PCDHA5: variants seen among roughly 807,000 people sequenced by gnomAD.
PCDHA5 encodes the protein protocadherin alpha-5.
Under a neutral mutation model 61.6 loss-of-function variants are expected in PCDHA5, and 43 were observed. The ratio of observed to expected loss-of-function variants is 0.70; its 90% CI spans 0.55 to 0.90. The LOEUF is 0.90. Among genes scored for constraint, PCDHA5 ranks in the 40% least tolerant of loss-of-function variants. The probability of loss-of-function intolerance (pLI) is 0.00; values close to 1 mark genes in which losing one functional copy is unlikely to be tolerated. For synonymous variants in PCDHA5, 627 were observed against 543.9 expected, an observed-to-expected ratio of 1.15 and a Z score of -2.13; for missense variants, 1,298 against 1,222.7, an observed-to-expected ratio of 1.06 and a Z score of -0.92.
intron 2 of PCDHA5, among the ~76,000 whole-genome samples, chr5:140,979,920 C>T (rs1554241253): frequency 6.6e-6 from 1 of 152,206 alleles, no homozygotes; most frequent in Non-Finnish European, 1.5e-5. Flanking sequence ...AAGAGAAAGC[C>T]TACAAAGTAT....
chr5:140,980,522 A>G (rs1341350940), intron 2 of PCDHA5, among the ~76,000 whole-genome samples: 2 of 152,074 alleles, frequency 1.3e-5, no homozygotes, highest in Non-Finnish European at 2.9e-5. Flanking sequence ...TCCAGCTACT[A>G]GGGAGGCTGA....
chr5:140,871,419 C>A (rs1554165566), intron 1 of PCDHA5: 1 of 1,613,732 alleles, frequency 6.2e-7, no homozygotes. Flanking sequence ...TGGCCTTCAG[C>A]CCCAGTCTTC....
chr5:140,980,545 G>A lies in PCDHA5; in HGVS notation c.2411+1538G>A, dbSNP rs190037193. ...CTAGGGAGGCTGAGGCAGGAGAATC[G>A]CTTGAACCCGGGAGGCGGAAGTTGC... On this transcript the variant is annotated intron_variant, in intron 2 of 3. Transcript: ENST00000529859. 4.1e-3 allele frequency among the ~76,000 whole-genome samples: 627 copies of A among 152,232 alleles called. 4 individuals are homozygous for A. Among genetic ancestry groups the A allele is most frequent in the Non-Finnish European group, 6.8e-3 (460 of 67,996 alleles).
At chr5:140,868,764 T>G (rs1202050223) in intron 1 of PCDHA5, 2 of 238,724 alleles carry the variant, frequency 8.4e-6, no homozygotes, top group Non-Finnish European at 1.6e-5. Flanking sequence ...ATATATTTAG[T>G]TTCAATATGA....
At chr5:140,969,513 A>G (rs2096339726) in intron 1 of PCDHA5, 1 of 1,417,106 alleles carries the variant, frequency 7.1e-7, no homozygotes, top group Non-Finnish European at 9.4e-7. Context: ...ATAGCACTAA[A>G]GAATTGTTTT....
Position 140,876,851 on chromosome 5 carries a change from A to G in PCDHA5, c.2352+52724A>G, listed in dbSNP as rs1554169034. ...GCGCCTGCGTTCGCGCAGCCCGAGT[A>G]CACAGTGTTCGTGAAGGAGAACAAC... On this transcript the variant is annotated intron_variant, in intron 1 of 3. Coordinates refer to ENST00000529859, the MANE Select transcript of PCDHA5 (RefSeq NM_018908.3). The G allele has an allele frequency of 5.0e-6, 8 of 1,613,986 alleles. No individual in the cohort carries two copies. In the Admixed American group the frequency reaches 1.3e-4, roughly 27 times the overall value.
intron 1 of PCDHA5, among the ~76,000 whole-genome samples, chr5:140,888,214 G>GTGTGTGTGCA (rs1387597541): frequency 6.6e-6 from 1 of 152,130 alleles, no homozygotes; most frequent in Admixed American, 6.5e-5. Context: ...TGGATTTTGT[G>GTGTGTGTGCA]TGTGTGTGCA....
At chr5:140,886,623 C>T (rs1273600111) in intron 1 of PCDHA5, among the ~76,000 whole-genome samples, 39 of 151,848 alleles carry the variant, frequency 2.6e-4, no homozygotes, top group Admixed American at 2.4e-3. Flanking sequence ...ATCAGGAGTC[C>T]GAGACCAGCC....
rs2150401369 is a variant in PCDHA5, at chr5:140,847,510, G to A, written c.2352+23383G>A. On this transcript the variant is annotated intron_variant, in intron 1 of 3. Transcript: ENST00000529859. The stretch of plus-strand genomic sequence containing the variant: ...GTAAAACTCACAACAAAACTTTGTA[G>A]AACTTAGTCAGGAAAAGAATCTCAA... The A allele has an allele frequency of 4.2e-4, 63 of 149,756 alleles. 2 individuals carry two copies. Among genetic ancestry groups the A allele is most frequent in the African/African-American group, 1.5e-3 (63 of 41,018 alleles). The allele number at this position is 149,756 out of a possible 1,614,324, so 9.3% of individuals were successfully genotyped here.
At chr5:140,896,608 C>A (rs1356168334) in intron 1 of PCDHA5, among the ~76,000 whole-genome samples, 2 of 151,832 alleles carry the variant, frequency 1.3e-5, no homozygotes, top group Non-Finnish European at 2.9e-5. Context: ...AACTCCTGGT[C>A]TTAAGTGATC....
chr5:140,939,807 C>G (rs927084385), intron 1 of PCDHA5, among the ~76,000 whole-genome samples: 1 of 152,088 alleles, frequency 6.6e-6, no homozygotes, highest in African/African-American at 2.4e-5. Context: ...TCTGCATGTT[C>G]AAGAAAAAGC....
intron 1 of PCDHA5, chr5:140,830,262 C>T (rs151257683): frequency 1.2e-6 from 2 of 1,613,546 alleles, no homozygotes; most frequent in Admixed American, 1.7e-5. Context: ...CTGCGGTGCT[C>T]GGCGCCACCC....
chr5:140,894,892 G>T (rs941698896), intron 1 of PCDHA5, among the ~76,000 whole-genome samples: 8 of 152,060 alleles, frequency 5.3e-5, no homozygotes, highest in Non-Finnish European at 1.0e-4. Flanking sequence ...AACAGACCAG[G>T]ATAATTTTCC....
At position 140,978,930 on chromosome 5, in the gene PCDHA5, T is replaced by C; in HGVS notation, c.2353-19T>C. On this transcript the variant is annotated intron_variant, in intron 1 of 3. Transcript: ENST00000529859. ...TTGTCTTGTCATTTTAACAGAAAAC[T>C]CTCTTTGTGATTTTGCAGCCACGAC... 2 of 1,614,088 alleles carry C rather than the reference T, an allele frequency of 1.2e-6. No individual in the cohort carries two copies. Among genetic ancestry groups the C allele is most frequent in the South Asian group, 1.1e-5 (1 of 91,072 alleles).
At chr5:140,828,147 T>C (rs1554131033) in intron 1 of PCDHA5, 4 of 1,614,128 alleles carry the variant, frequency 2.5e-6, no homozygotes, top group African/African-American at 1.3e-5. Context: ...CTCCCGCTTC[T>C]GCTCCTCGCA....
At chr5:140,882,105 A>G in intron 1 of PCDHA5, 1 of 1,349,526 alleles carries the variant, frequency 7.4e-7, no homozygotes, top group Admixed American at 2.5e-5. Flanking sequence ...GTTTCCGCGA[A>G]GAAAGCCGCC....
chr5:140,921,228 T>G (rs1401455945), intron 1 of PCDHA5, among the ~76,000 whole-genome samples: 11 of 152,154 alleles, frequency 7.2e-5, no homozygotes, highest in African/African-American at 2.7e-4. Context: ...TTTTGCTAGA[T>G]GATATTAAGC....
chr5:140,896,536 CTT>C (rs34213614), intron 1 of PCDHA5, among the ~76,000 whole-genome samples: 1 of 145,640 alleles, frequency 6.9e-6, no homozygotes. Flanking sequence ...AGCTATTTTT[CTT>C]TTTTTTTTTT....
At chr5:140,970,762 A>C (rs2096431667) in intron 1 of PCDHA5, among the ~76,000 whole-genome samples, 1 of 152,198 alleles carries the variant, frequency 6.6e-6, no homozygotes, top group Admixed American at 6.5e-5. Context: ...TCATTGACAT[A>C]TTGCTGTACA....
Sources: gnomAD v4.1 joint callset for allele counts (sites outside exome capture counted in the v4.1 genomes callset) on GRCh38, gnomAD v4.1.1 for gene constraint, MANE v1.5 for transcripts, NCBI Gene and HGNC (gene_info 2026-07-23, HGNC 2026-07-21) for gene names.